CUBN: variants seen among roughly 807,000 people sequenced by gnomAD.
The protein encoded by CUBN is cubilin.
A neutral mutation model predicts 405.3 loss-of-function variants in CUBN; 282 were observed. The observed-to-expected ratio is 0.70, with a 90% CI of 0.63 to 0.77. The LOEUF is 0.77. CUBN is among the 30% of genes least tolerant of loss of function. The pLI, the probability that CUBN is intolerant of heterozygous loss-of-function variation, is 0.00. For missense variants in CUBN, 4,514 were observed against 4,475.2 expected, an observed-to-expected ratio of 1.01 and a Z score of -0.25; for synonymous variants, 1,684 against 1,617.0, an observed-to-expected ratio of 1.04 and a Z score of -0.99.
intron 58 of CUBN, among the ~76,000 whole-genome samples, chr10:16,873,445 G>T (rs953083225): frequency 1.3e-5 from 2 of 152,096 alleles, no homozygotes; most frequent in African/African-American, 4.8e-5. Flanking sequence ...TTTGAGGCTG[G>T]GTGCGGTGGC....
At chr10:16,979,309 C>G (rs2131688594) in intron 31 of CUBN, among the ~76,000 whole-genome samples, 1 of 152,216 alleles carries the variant, frequency 6.6e-6, no homozygotes, top group East Asian at 1.9e-4. Context: ...ATCAAGCTAC[C>G]ATTGACTTTC....
At chr10:17,116,291 C>G (rs7899751) in intron 6 of CUBN, among the ~76,000 whole-genome samples, 77,104 of 152,158 alleles carry the variant, frequency 0.51, 20,068 homozygotes, top group East Asian at 0.67. Flanking sequence ...GTTTTAAGCC[C>G]TTGTCATTGT....
chr10:17,001,163 G>T (rs548642237), intron 28 of CUBN, among the ~76,000 whole-genome samples: 1 of 152,212 alleles, frequency 6.6e-6, no homozygotes, highest in African/African-American at 2.4e-5. Context: ...CTGGCTTCAG[G>T]AGTGAAGGTG....
chr10:16,920,007 T>A lies in CUBN; in HGVS notation c.6777A>T (p.Ile2259=), dbSNP rs749277477. The A allele has an allele frequency of 3.1e-6, 5 of 1,613,576 alleles. No homozygotes were observed. Among genetic ancestry groups the A allele is most frequent in the South Asian group, 1.1e-5 (1 of 91,066 alleles). Reference sequence around the variant, plus strand: ...CGAATCGATCTTCAAATTGCAGCTGTATGCGTGTTTCCGGTGGAGCCGCTA... The same window carrying A: ...CGAATCGATCTTCAAATTGCAGCTGAATGCGTGTTTCCGGTGGAGCCGCTA... ...WILAAPPETR[I]QLQFEDRFDI... The change falls in exon 44 of 67, where the codon ATA becomes ATT. Residue 2259 remains isoleucine (I), a synonymous_variant. Transcript: ENST00000377833.
chr10:16,894,966 G>A (rs1171917011), intron 54 of CUBN, among the ~76,000 whole-genome samples: 1 of 152,074 alleles, frequency 6.6e-6, no homozygotes, highest in Non-Finnish European at 1.5e-5. Flanking sequence ...TCCTTACCAG[G>A]CACTTCCCAT....
At chr10:17,009,796 A>T (rs1263214155) in intron 28 of CUBN, among the ~76,000 whole-genome samples, 1 of 152,190 alleles carries the variant, frequency 6.6e-6, no homozygotes, top group African/African-American at 2.4e-5. Context: ...CCCTGAGCCC[A>T]GGCTTCCTGG....
At chr10:17,108,354 A>T (rs1425455737) in intron 10 of CUBN, among the ~76,000 whole-genome samples, 1 of 150,686 alleles carries the variant, frequency 6.6e-6, no homozygotes, top group Admixed American at 6.7e-5. Context: ...GTTGATAATC[A>T]TTTAATAAGC....
chr10:17,088,952 C>T (rs1836190793), intron 14 of CUBN, among the ~76,000 whole-genome samples: 1 of 152,180 alleles, frequency 6.6e-6, no homozygotes, highest in Non-Finnish European at 1.5e-5. Context: ...ACCACATCGG[C>T]CCCCTAACGT....
rs143835350 is a variant in CUBN, at chr10:16,925,702, T to C, written c.6344A>G (p.Asn2115Ser). The C allele has an allele frequency of 5.4e-5, 87 of 1,613,964 alleles. No homozygotes were observed. In the African/African-American group the frequency reaches 8.1e-4, roughly 15 times the overall value. ...SPKYPETYPS[N>S]LNCSWHVLVQ... ...CAGGACGTGCCAAGAACAGTTGAGG[T>C]TGGATGGGTAAGTCTCTGGATACTT... Residue 2115 changes from asparagine to serine, a missense_variant, in exon 42 of 67, where the codon AAC (asparagine) becomes AGC (serine). Asn to Ser is a conservative substitution (Grantham distance 46). Around this residue, in one of 5 missense-constraint regions of CUBN, gnomAD observed 1,613 missense variants for 1,542.8 expected, o/e 1.05. Coordinates refer to ENST00000377833, the MANE Select transcript of CUBN (RefSeq NM_001081.4).
At chr10:16,885,683 T>C (rs1032653064) in intron 56 of CUBN, among the ~76,000 whole-genome samples, 21 of 152,160 alleles carry the variant, frequency 1.4e-4, no homozygotes, top group African/African-American at 5.1e-4. Flanking sequence ...CAGGTCATGA[T>C]AGAGTCTCTT....
At chr10:16,879,366 G>A (rs1465320595) in intron 56 of CUBN, among the ~76,000 whole-genome samples, 1 of 152,180 alleles carries the variant, frequency 6.6e-6, no homozygotes, top group African/African-American at 2.4e-5. Context: ...AGAACAAAAT[G>A]CTTTTATTTC....
At chr10:17,017,466 A>G (rs1052812597) in intron 28 of CUBN, among the ~76,000 whole-genome samples, 4 of 152,208 alleles carry the variant, frequency 2.6e-5, no homozygotes, top group African/African-American at 9.6e-5. Flanking sequence ...CCCGCATCGT[A>G]TAAAGGTGTT....
intron 22 of CUBN, among the ~76,000 whole-genome samples, chr10:17,058,122 A>T (rs1241074345): frequency 3.9e-5 from 6 of 152,050 alleles, no homozygotes; most frequent in Non-Finnish European, 8.8e-5. Context: ...TCCGTCTCAA[A>T]AAAAAAAGAA....
At chr10:17,117,413 C>T (rs1836930145) in intron 6 of CUBN, among the ~76,000 whole-genome samples, 2 of 152,114 alleles carry the variant, frequency 1.3e-5, no homozygotes, top group Non-Finnish European at 2.9e-5. Context: ...CTCACTCTGT[C>T]ACCCAGGCTG....
chr10:16,940,092 C>A lies in CUBN; in HGVS notation c.5488G>T (p.Val1830Phe), dbSNP rs1402001352. 7 of 1,613,976 alleles carry A rather than the reference C, an allele frequency of 4.3e-6. No individual in the cohort carries two copies. Among genetic ancestry groups the A allele is most frequent in the Admixed American group, 1.7e-5 (1 of 59,990 alleles). Residue 1830 changes from valine to phenylalanine, a missense_variant, in exon 37 of 67, where the codon GTC becomes TTC. Physicochemically the swap from Val to Phe is conservative, Grantham distance 50 (BLOSUM62 -1). Around this residue, in one of 5 missense-constraint regions of CUBN, gnomAD observed 1,613 missense variants for 1,542.8 expected, o/e 1.05. Coordinates refer to ENST00000377833, the MANE Select transcript of CUBN (RefSeq NM_001081.4). ...YSSIVGHTLW[V>F]RFISDGSGSG... The stretch of plus-strand genomic sequence containing the variant: ...CCAGAACCATCTGAGATAAATCTGA[C>A]CCACAGGGTATGTCCAACGATGGAA...
At chr10:16,908,033 TTTC>T (rs1841605868) in intron 48 of CUBN, among the ~76,000 whole-genome samples, 2 of 152,330 alleles carry the variant, frequency 1.3e-5, no homozygotes, top group South Asian at 2.1e-4. Flanking sequence ...ATGGGCAGTT[TTTC>T]TTAACAATGC....
intron 27 of CUBN, among the ~76,000 whole-genome samples, chr10:17,021,305 A>G (rs950386843): frequency 1.3e-5 from 2 of 152,238 alleles, no homozygotes; most frequent in African/African-American, 4.8e-5. Flanking sequence ...CTGAAAAATA[A>G]AAATTAAAAA....
intron 31 of CUBN, among the ~76,000 whole-genome samples, chr10:16,973,028 G>A (rs560025445): frequency 6.6e-5 from 10 of 152,136 alleles, no homozygotes; most frequent in South Asian, 2.1e-4. Context: ...TGTTATTCCC[G>A]TTTTACAGAA....
chr10:16,863,411 C>T (rs1041637993), intron 59 of CUBN, among the ~76,000 whole-genome samples: 2 of 152,114 alleles, frequency 1.3e-5, no homozygotes, highest in African/African-American at 4.8e-5. Context: ...TGGAGCAATA[C>T]CCTCATTATT....
Sources: gnomAD v4.1 joint callset for allele counts (sites outside exome capture counted in the v4.1 genomes callset) on GRCh38, gnomAD v4.1.1 for gene constraint, gnomAD v4.1.1 regional missense constraint, MANE v1.5 for transcripts, NCBI Gene and HGNC (gene_info 2026-07-23, HGNC 2026-07-21) for gene names.